MTCL1: variants seen among roughly 807,000 people sequenced by gnomAD.
MTCL1 encodes the protein microtubule crosslinking factor 1.
In MTCL1, 79 loss-of-function variants were observed where a neutral mutation model predicts 141.4. The ratio of observed to expected loss-of-function variants is 0.56; its 90% confidence interval spans 0.47 to 0.67. The LOEUF (loss-of-function observed/expected upper bound fraction) is 0.67, where lower values mean the gene tolerates loss of function less well. Among genes scored for constraint, MTCL1 ranks in the 30% least tolerant of loss-of-function variants. The pLI is 0.00. For missense variants in MTCL1, 2,177 were observed against 2,113.9 expected (o/e 1.03, Z -0.59); for synonymous variants, 914 against 875.8 (o/e 1.04, Z -0.77).
chr18:8,812,035 C>T (rs770981686), intron 11 of MTCL1, among the ~76,000 whole-genome samples: 15 of 152,216 alleles, frequency 9.9e-5, no homozygotes, highest in Non-Finnish European at 1.9e-4. Context: ...CCAGTTCCTT[C>T]CCATCCTCTG....
intron 4 of MTCL1, among the ~76,000 whole-genome samples, chr18:8,771,672 A>G (rs772322114): frequency 1.1e-4 from 17 of 152,254 alleles, no homozygotes; most frequent in Non-Finnish European, 2.1e-4. Flanking sequence ...AATTGACATG[A>G]AAGTCCAAAT....
At chr18:8,803,599 C>T (rs1285998018) in intron 10 of MTCL1, among the ~76,000 whole-genome samples, 2 of 152,176 alleles carry the variant, frequency 1.3e-5, no homozygotes, top group Admixed American at 6.5e-5. Context: ...TGCCTGGCTT[C>T]CTGCTGTGCC....
chr18:8,718,091 T>G, intron 2 of MTCL1: 1 of 679,388 alleles, frequency 1.5e-6, no homozygotes, highest in Non-Finnish European at 2.1e-6. Context: ...AGGTCAATGT[T>G]TGGTTTGAAT....
In MTCL1 at chr18:8,824,153, G is replaced by A. The variant is rs987649654; in HGVS notation, c.3189-546G>A. 3.5e-4 allele frequency among the ~76,000 whole-genome samples: 54 copies of A among 152,192 alleles called. 1 individual carries two copies. The highest frequency in any genetic ancestry group is 4.8e-5 in the African/African-American group (2 of 41,442). On this transcript the variant is annotated intron_variant, in intron 14 of 16. Transcript: ENST00000359865. ...GGTGGTAGTCGTGCCCGAGCACTCCGGCCACTTTCTGTCTTAGCCTGGAAG... is the reference window on the plus strand; with the variant it reads ...GGTGGTAGTCGTGCCCGAGCACTCCAGCCACTTTCTGTCTTAGCCTGGAAG...
Position 8,818,839 on chromosome 18 carries a change from T to A in MTCL1, c.2860-124T>A. Reference sequence around the variant, plus strand: ...TTAAGATCAGAACTTTAAGAACATTTGCTTCTCACAATATTTTTCAAACTG... The same window carrying A: ...TTAAGATCAGAACTTTAAGAACATTAGCTTCTCACAATATTTTTCAAACTG... On this transcript the variant is annotated intron_variant, in intron 12 of 16. Transcript: ENST00000359865. The A allele has an allele frequency of 3.1e-6, 3 of 966,210 alleles. 1 individual carries two copies. The South Asian group carries it at 4.8e-5, about 16-fold the overall frequency. The allele number at this position is 966,210 out of a possible 1,614,324, so 59.9% of individuals were successfully genotyped here. A position where few individuals can be genotyped will look rare whatever the true frequency, so the allele number is the denominator to read the frequency against.
intron 3 of MTCL1, among the ~76,000 whole-genome samples, chr18:8,718,998 C>T (rs2096149977): frequency 6.6e-6 from 1 of 151,784 alleles, no homozygotes; most frequent in East Asian, 1.9e-4. Context: ...TCAAAGGCCA[C>T]TCTTAAAAGT....
chr18:8,737,476 G>A (rs4798681), intron 4 of MTCL1, among the ~76,000 whole-genome samples: 38,950 of 152,118 alleles, frequency 0.26, 6,176 homozygotes, highest in Admixed American at 0.41. Flanking sequence ...GGCATGTCAC[G>A]GCCATGGGGT....
chr18:8,804,730 C>T (rs969799695), intron 10 of MTCL1, among the ~76,000 whole-genome samples: 1 of 152,194 alleles, frequency 6.6e-6, no homozygotes, highest in Non-Finnish European at 1.5e-5. Context: ...CACGGTGGCT[C>T]ATGCCTACAA....
At chr18:8,712,719 G>A (rs1233636045), upstream of MTCL1, among the ~76,000 whole-genome samples, 5 of 152,122 alleles carry the variant, frequency 3.3e-5, no homozygotes, top group South Asian at 2.1e-4. Context: ...AGTGGGAGTC[G>A]CCCTGCACCT....
chr18:8,753,085 T>A (rs2096380209), intron 4 of MTCL1, among the ~76,000 whole-genome samples: 1 of 152,150 alleles, frequency 6.6e-6, no homozygotes, highest in South Asian at 2.1e-4. Flanking sequence ...CAGAAAGAGA[T>A]GAGAGTAGAA....
rs1336611209 is a variant in MTCL1, at chr18:8,785,847, C to T, written c.1732-89C>T. On this transcript the variant is annotated intron_variant, in intron 6 of 16. Coordinates refer to ENST00000359865, the Ensembl canonical transcript of MTCL1. Reference sequence around the variant, plus strand: ...TTTTTGTTTTCTTTATCCCCCCTCCCTGCCTCCACCCTTGTCCTTTGTTTG... The same window carrying T: ...TTTTTGTTTTCTTTATCCCCCCTCCTTGCCTCCACCCTTGTCCTTTGTTTG... The T allele has an allele frequency of 1.9e-5, 28 of 1,487,034 alleles. No individual in the cohort carries two copies. In the East Asian group the frequency reaches 6.0e-4, roughly 32 times the overall value. 92.1% of individuals were successfully genotyped at this position (1,487,034 alleles called of 1,614,324 possible). A position where few individuals can be genotyped will look rare whatever the true frequency, so the allele number is the denominator to read the frequency against.
At chr18:8,832,068 A>C in exon 17 of MTCL1, 1 of 518,716 alleles carries the variant, frequency 1.9e-6, no homozygotes, top group Non-Finnish European at 3.4e-6. Context: ...AGTATATTAA[A>C]CGAAAAGGTA....
exon 6 of MTCL1, chr18:8,784,172 A>C (rs2096542294): frequency 6.2e-7 from 1 of 1,613,860 alleles, no homozygotes; most frequent in Non-Finnish European, 8.5e-7. Flanking sequence ...CAAGGTGCTC[A>C]AACTGCAGCA....
chr18:8,757,339 CTT>C (rs1165809887), intron 4 of MTCL1, among the ~76,000 whole-genome samples: 1 of 152,192 alleles, frequency 6.6e-6, no homozygotes, highest in Admixed American at 6.5e-5. Context: ...TAGGAAACCT[CTT>C]TTCCTGAGGT....
chr18:8,783,891 C>T (rs1404979188), exon 6 of MTCL1: 7 of 1,613,204 alleles, frequency 4.3e-6, no homozygotes, highest in Middle Eastern at 1.6e-4. Context: ...CCCAGCATTC[C>T]TACCTCACCC....
At position 8,760,915 on chromosome 18, in the gene MTCL1, T is replaced by C. The variant is rs7242562; in HGVS notation, c.358-16918T>C. 9.4e-3 allele frequency among the ~76,000 whole-genome samples: 1,439 copies of C among 152,338 alleles called. 16 individuals are homozygous for C. Among genetic ancestry groups the C allele is most frequent in the African/African-American group, 0.032 (1,349 of 41,574 alleles). On this transcript the variant is annotated intron_variant, in intron 4 of 16. Transcript: ENST00000359865. ...ATGATGACTTCTTATGAAGAAACCA[T>C]GCATGTTGATTAAAATATGCTGCTT...
At chr18:8,809,445 T>C in intron 11 of MTCL1, 1 of 1,535,084 alleles carries the variant, frequency 6.5e-7, no homozygotes. Flanking sequence ...CATTTCCCGT[T>C]AGAATTGTTG....
At position 8,757,168 on chromosome 18, in the gene MTCL1, C is replaced by G. The variant is rs575866061; in HGVS notation, c.358-20665C>G. Among the ~76,000 whole-genome samples the G allele has an allele frequency of 3.3e-5, 5 of 152,228 alleles. No individual in the cohort carries two copies. The South Asian group carries it at 1.0e-3, about 32-fold the overall frequency. On this transcript the variant is annotated intron_variant, in intron 4 of 16. Coordinates refer to ENST00000359865, the Ensembl canonical transcript of MTCL1. ...CTGAGAATGAGAAATTCTGGCTCTC[C>G]CACTGCTGAATGCCATGGGCAGCTG...
At position 8,772,659 on chromosome 18, in the gene MTCL1, T is replaced by C. The variant is rs141751416; in HGVS notation, c.358-5174T>C. On this transcript the variant is annotated intron_variant, in intron 4 of 16. Coordinates refer to ENST00000359865, the Ensembl canonical transcript of MTCL1. ...TATGTTAACATAAACATACATGTTA[T>C]GTATATAACATAAAAAGTATGTTAT... 9.1e-4 allele frequency among the ~76,000 whole-genome samples: 138 copies of C among 151,108 alleles called. 1 individual carries two copies. The East Asian group carries it at 0.023, about 25-fold the overall frequency.
Sources: gnomAD v4.1 joint callset for allele counts (sites outside exome capture counted in the v4.1 genomes callset) on GRCh38, gnomAD v4.1.1 for gene constraint, MANE v1.5 for transcripts, NCBI Gene and HGNC (gene_info 2026-07-23, HGNC 2026-07-21) for gene names.